Variants in PRKN observed in about 807,000 individuals in gnomAD.
PRKN encodes the protein parkin RBR E3 ubiquitin protein ligase, also known as E3 ubiquitin-protein ligase parkin.
Under a neutral mutation model 59.5 loss-of-function variants are expected in PRKN, and 56 were observed. That is an observed-to-expected ratio of 0.94 (90% CI 0.76 to 1.18). PRKN has a LOEUF of 1.18. Ranked by LOEUF, PRKN falls within the 50% of genes most tolerant of loss-of-function variation. The pLI is 0.00. For missense variants in PRKN, 657 were observed against 596.4 expected (o/e 1.10, Z -1.06); for synonymous variants, 250 against 222.1 (o/e 1.13, Z -1.12).
chr6:161,856,185 C>A (rs761332448), intron 6 of PRKN, among the ~76,000 whole-genome samples: 1 of 152,040 alleles, frequency 6.6e-6, no homozygotes, highest in Non-Finnish European at 1.5e-5. Flanking sequence ...CACGGTGAAA[C>A]CCAGTCTCTA....
chr6:161,929,463 T>C (rs1779087581), intron 6 of PRKN, among the ~76,000 whole-genome samples: 1 of 151,858 alleles, frequency 6.6e-6, no homozygotes, highest in East Asian at 1.9e-4. Context: ...GAAAGGTACT[T>C]AATGCTACTG....
intron 7 of PRKN, among the ~76,000 whole-genome samples, chr6:161,740,124 C>G (rs1386386282): frequency 1.3e-5 from 2 of 152,186 alleles, no homozygotes; most frequent in South Asian, 4.1e-4. Flanking sequence ...CGAGTTGATA[C>G]AATTTCTGCC....
intron 5 of PRKN, among the ~76,000 whole-genome samples, chr6:161,986,060 T>C (rs1482308467): frequency 6.6e-6 from 1 of 152,232 alleles, no homozygotes; most frequent in Non-Finnish European, 1.5e-5. Flanking sequence ...CAGTGTGTCA[T>C]GTCAGTTTAC....
chr6:162,704,352 A>AC, intron 1 of PRKN, among the ~76,000 whole-genome samples: 2 of 152,116 alleles, frequency 1.3e-5, no homozygotes, highest in Middle Eastern at 3.4e-3. Flanking sequence ...TAACCCTGTC[A>AC]CCTCTCCCCC....
chr6:161,469,952 T>G (rs1205620530), intron 9 of PRKN, among the ~76,000 whole-genome samples: 1 of 152,212 alleles, frequency 6.6e-6, no homozygotes, highest in African/African-American at 2.4e-5. Context: ...TAATAATTGT[T>G]CCGCTTAAAA....
At chr6:162,563,273 C>T (rs577217282) in intron 1 of PRKN, among the ~76,000 whole-genome samples, 12 of 150,806 alleles carry the variant, frequency 8.0e-5, no homozygotes, top group Non-Finnish European at 1.2e-4. Flanking sequence ...CACTGCACTC[C>T]AGCTTCGGCG....
Position 161,355,764 on chromosome 6 carries a change from A to G in PRKN, c.1285+4324T>C, listed in dbSNP as rs1784724598. 6.6e-6 allele frequency among the ~76,000 whole-genome samples: 1 copy of G among 152,152 alleles called. No homozygotes were observed. The highest frequency in any genetic ancestry group is 1.5e-5 in the Non-Finnish European group (1 of 68,034). On this transcript the variant is annotated intron_variant, in intron 11 of 11. Transcript: ENST00000366898. This position sits in a 1 kb window ranked among gnomAD's most constrained non-coding sequence, Gnocchi z 6.8. ...TGTCCGGGCTCTCTTCTGGGATTGG[A>G]GCCTAGACGGTCAAGGTCCCTGATC...
chr6:161,969,213 G>A (rs573245324), intron 6 of PRKN, among the ~76,000 whole-genome samples: 3 of 151,110 alleles, frequency 2.0e-5, no homozygotes, highest in East Asian at 3.9e-4. Flanking sequence ...TATTCTTAGA[G>A]CCAAGGCATG....
intron 2 of PRKN, among the ~76,000 whole-genome samples, chr6:162,346,153 G>T (rs920670536): frequency 1.3e-5 from 2 of 152,100 alleles, no homozygotes; most frequent in Non-Finnish European, 2.9e-5. Flanking sequence ...GTATTCTGTT[G>T]TAACAACATA....
chr6:161,551,559 G>A lies in PRKN; in HGVS notation c.934-2556C>T, dbSNP rs1397430350. On this transcript the variant is annotated intron_variant, in intron 8 of 11. Transcript: ENST00000366898. This position sits in a 1 kb window ranked among gnomAD's most constrained non-coding sequence, Gnocchi z 5.2. ...CACATCTCAAGGAGGCTGCCATGAT[G>A]AGCTGTGGTTGGAGCTGGGTGTGTG... Among the ~76,000 whole-genome samples, 1 of 152,150 alleles carries A rather than the reference G, an allele frequency of 6.6e-6. No individual in the cohort carries two copies. Among genetic ancestry groups the A allele is most frequent in the Non-Finnish European group, 1.5e-5 (1 of 68,022 alleles).
intron 7 of PRKN, among the ~76,000 whole-genome samples, chr6:161,719,032 T>C (rs1179987401): frequency 2.6e-5 from 4 of 152,222 alleles, no homozygotes; most frequent in African/African-American, 9.6e-5. Flanking sequence ...AAAGACTTTC[T>C]TATTTGCTCG....
chr6:162,707,340 T>C (rs372988597), intron 1 of PRKN, among the ~76,000 whole-genome samples: 10 of 152,180 alleles, frequency 6.6e-5, no homozygotes, highest in South Asian at 4.1e-4. Flanking sequence ...ACTTGTACTA[T>C]TGCTAAATAA....
At chr6:162,442,854 C>G (rs902551251) in intron 2 of PRKN, among the ~76,000 whole-genome samples, 1 of 152,144 alleles carries the variant, frequency 6.6e-6, no homozygotes, top group African/African-American at 2.4e-5. Context: ...CCTCCTCTAG[C>G]GCAGCATAGC....
chr6:162,410,618 A>G (rs1309535915), intron 2 of PRKN, among the ~76,000 whole-genome samples: 1 of 152,136 alleles, frequency 6.6e-6, no homozygotes, highest in East Asian at 1.9e-4. Flanking sequence ...AGGAAAGGAG[A>G]GCAGAGGTGA....
intron 7 of PRKN, among the ~76,000 whole-genome samples, chr6:161,689,101 T>A (rs1310436635): frequency 1.3e-5 from 2 of 152,102 alleles, no homozygotes; most frequent in East Asian, 3.9e-4. Flanking sequence ...TAATTCATAG[T>A]CTCCTGGCAA....
chr6:161,530,968 C>T lies in PRKN; in HGVS notation c.1083+17886G>A, dbSNP rs1015583024. Reference sequence around the variant, plus strand: ...ACATCAAATTTCAGTTTCATATTTTCAACTACCTACGGGATATTTTATTGC... The same window carrying T: ...ACATCAAATTTCAGTTTCATATTTTTAACTACCTACGGGATATTTTATTGC... On this transcript the variant is annotated intron_variant, in intron 9 of 11. Transcript: ENST00000366898. This position sits in a 1 kb window ranked among gnomAD's most constrained non-coding sequence, Gnocchi z 5.0. 6.6e-6 allele frequency among the ~76,000 whole-genome samples: 1 copy of T among 152,216 alleles called. No homozygotes were observed. The highest frequency in any genetic ancestry group is 1.5e-5 in the Non-Finnish European group (1 of 68,042).
intron 7 of PRKN, among the ~76,000 whole-genome samples, chr6:161,642,404 A>G (rs1302703019): frequency 6.6e-6 from 1 of 152,216 alleles, no homozygotes; most frequent in Admixed American, 6.5e-5. Flanking sequence ...AAATGATCAC[A>G]GTGCTTATTT....
Position 161,367,247 on chromosome 6 carries a change from C to T in PRKN, c.1168-7042G>A, listed in dbSNP as rs371841866. Reference sequence around the variant, plus strand: ...CCACCCGCCTCGGCCTCCCAAAGTGCTGGGATTACAGGCGTGAGCCACCGC... The same window carrying T: ...CCACCCGCCTCGGCCTCCCAAAGTGTTGGGATTACAGGCGTGAGCCACCGC... On this transcript the variant is annotated intron_variant, in intron 10 of 11. Transcript: ENST00000366898. 9.2e-5 allele frequency among the ~76,000 whole-genome samples: 14 copies of T among 152,076 alleles called. No individual in the cohort carries two copies. In the East Asian group the frequency reaches 1.7e-3, roughly 19 times the overall value.
intron 2 of PRKN, among the ~76,000 whole-genome samples, chr6:162,322,583 A>G (rs1231161333): frequency 6.6e-6 from 1 of 152,168 alleles, no homozygotes; most frequent in African/African-American, 2.4e-5. Flanking sequence ...ATTGACATCA[A>G]GATAAATAAA....
Sources: gnomAD v4.1 joint callset for allele counts (sites outside exome capture counted in the v4.1 genomes callset) on GRCh38, gnomAD v4.1.1 for gene constraint, Gnocchi (gnomAD v3.1) non-coding constraint, MANE v1.5 for transcripts, NCBI Gene and HGNC (gene_info 2026-07-23, HGNC 2026-07-21) for gene names.